Variants in MAP4 observed in about 807,000 individuals in gnomAD.
The protein encoded by MAP4 is microtubule-associated protein 4.
MAP4 carries 76 observed loss-of-function variants against 170.2 expected under a neutral mutation model. The observed-to-expected ratio is 0.45, with a 90% CI of 0.37 to 0.54. MAP4 has a LOEUF of 0.54. MAP4 is among the 20% of genes least tolerant of loss of function. The pLI is 0.00. For synonymous variants in MAP4, 909 were observed against 994.5 expected, an observed-to-expected ratio of 0.91 and a Z score of 1.62; for missense variants, 2,506 against 2,748.0, an observed-to-expected ratio of 0.91 and a Z score of 1.97.
chr3:48,067,519 AGG>A (rs1329193183), intron 1 of MAP4, among the ~76,000 whole-genome samples: 3 of 152,132 alleles, frequency 2.0e-5, no homozygotes, highest in African/African-American at 7.2e-5. Context: ...TTGTAGAGAC[AGG>A]GGTTTCACTT....
chr3:47,860,521 A>G (rs2063836496), intron 17 of MAP4, among the ~76,000 whole-genome samples: 1 of 152,218 alleles, frequency 6.6e-6, no homozygotes, highest in Non-Finnish European at 1.5e-5. Context: ...ACAGTGTTCC[A>G]TATTTGAAGC....
chr3:47,892,721 C>A, intron 10 of MAP4: 1 of 1,349,802 alleles, frequency 7.4e-7, no homozygotes, highest in Non-Finnish European at 9.5e-7. Context: ...AAGGAACCTG[C>A]TGCTTTCTGC....
chr3:47,861,653 G>A (rs1012141090), intron 17 of MAP4, among the ~76,000 whole-genome samples: 2 of 151,496 alleles, frequency 1.3e-5, no homozygotes, highest in Non-Finnish European at 2.9e-5. Flanking sequence ...GCCCAGCCAA[G>A]ACTCTGTCTT....
intron 1 of MAP4, among the ~76,000 whole-genome samples, chr3:48,066,917 T>C (rs768086696): frequency 3.8e-4 from 46 of 122,570 alleles, no homozygotes; most frequent in Admixed American, 4.5e-4. Context: ...CTCGGCTCAC[T>C]GCAAGCTCCG....
intron 1 of MAP4, among the ~76,000 whole-genome samples, chr3:48,031,596 G>A (rs148626817): frequency 2.8e-4 from 42 of 152,032 alleles, no homozygotes; most frequent in Admixed American, 2.4e-3. Context: ...ATGGTGGTAC[G>A]TGCCTGTAGT....
chr3:48,067,819 T>C (rs1349451686), intron 1 of MAP4, among the ~76,000 whole-genome samples: 1 of 152,102 alleles, frequency 6.6e-6, no homozygotes, highest in East Asian at 1.9e-4. Context: ...TCTGTATTTT[T>C]AGTAGAGATG....
chr3:47,989,993 C>G (rs539766009), intron 2 of MAP4, among the ~76,000 whole-genome samples: 1 of 152,164 alleles, frequency 6.6e-6, no homozygotes, highest in East Asian at 1.9e-4. Context: ...CAGGAGATGT[C>G]AGATTCCCAC....
At chr3:48,081,895 G>A (rs2100146845) in intron 1 of MAP4, among the ~76,000 whole-genome samples, 1 of 152,064 alleles carries the variant, frequency 6.6e-6, no homozygotes, top group South Asian at 2.1e-4. Context: ...TTTAGGGTTG[G>A]GGCAGGTAAA....
intron 3 of MAP4, among the ~76,000 whole-genome samples, chr3:47,938,345 C>A (rs752572287): frequency 6.6e-6 from 1 of 151,906 alleles, no homozygotes; most frequent in Non-Finnish European, 1.5e-5. Flanking sequence ...CCAGCCTGGG[C>A]GACAGAGCGA....
chr3:48,058,600 G>A (rs752931074), intron 1 of MAP4, among the ~76,000 whole-genome samples: 7 of 151,826 alleles, frequency 4.6e-5, no homozygotes, highest in Non-Finnish European at 5.9e-5. Context: ...ACTGGCATTC[G>A]GTAACAAGAA....
intron 3 of MAP4, among the ~76,000 whole-genome samples, chr3:47,944,702 C>T (rs1284435501): frequency 6.6e-6 from 1 of 151,880 alleles, no homozygotes; most frequent in Admixed American, 6.6e-5. Context: ...CATTTCTCCC[C>T]CTCTGGCTAT....
intron 3 of MAP4, among the ~76,000 whole-genome samples, chr3:47,966,844 CCCTTTAAGTCAATA>C (rs1277763306): frequency 6.6e-6 from 1 of 152,192 alleles, no homozygotes; most frequent in Non-Finnish European, 1.5e-5. Context: ...CTATATGTCT[CCCTTTAAGTCAATA>C]CCACACAGTT....
Position 47,877,673 on chromosome 3 carries a change from T to TC in MAP4, c.5435-151dup, listed in dbSNP as rs1391121436. 3.9e-5 allele frequency: 21 copies of TC among 545,270 alleles called. No individual in the cohort carries two copies. In the Admixed American group the frequency reaches 4.2e-4, roughly 11 times the overall value. The allele number at this position is 545,270 out of a possible 1,614,324, so 33.8% of individuals were successfully genotyped here. A position where few individuals can be genotyped will look rare whatever the true frequency, so the allele number is the denominator to read the frequency against. On this transcript the variant is annotated intron_variant, in intron 10 of 20. Transcript: ENST00000683076. ...TGTGCTGCTGAAATGTGGACAAGCC[T>TC]CCCAAGTTCTCATTGTGATGGAGGA...
chr3:47,922,412 T>C (rs2100043455), intron 4 of MAP4, among the ~76,000 whole-genome samples: 1 of 152,158 alleles, frequency 6.6e-6, no homozygotes, highest in South Asian at 2.1e-4. Context: ...GTACATCAGA[T>C]AGCCAACAAA....
At chr3:47,877,845 C>G (rs1295027577) in intron 10 of MAP4, 2 of 169,480 alleles carry the variant, frequency 1.2e-5, no homozygotes, top group Non-Finnish European at 2.5e-5. Flanking sequence ...CTTCCAACCA[C>G]TAGCTCTCCA....
chr3:47,899,367 T>C (rs1471508206), intron 10 of MAP4, among the ~76,000 whole-genome samples: 1 of 152,214 alleles, frequency 6.6e-6, no homozygotes, highest in African/African-American at 2.4e-5. Context: ...CTGGAACTCC[T>C]AACCTCAGGT....
chr3:47,877,412 C>A lies in MAP4; in HGVS notation c.5541+5G>T. On this transcript the variant is annotated splice_donor_5th_base_variant and intron_variant, in intron 11 of 20. Transcript: ENST00000683076. ...GTAGAAGATAACCACCATTCTGGCA[C>A]CTACCTTTGTTTTCTTCTCTGGGCT... 6.2e-7 allele frequency: 1 copy of A among 1,610,730 alleles called. No individual in the cohort carries two copies. Among genetic ancestry groups the A allele is most frequent in the Non-Finnish European group, 8.5e-7 (1 of 1,177,008 alleles).
chr3:47,875,489 C>T (rs895017247), intron 12 of MAP4, among the ~76,000 whole-genome samples, 196 bp downstream of exon 12: 2 of 152,144 alleles, frequency 1.3e-5, no homozygotes, highest in Non-Finnish European at 2.9e-5. Flanking sequence ...GGCTGCTCCT[C>T]GTGGAGCAGG....
chr3:47,931,727 T>C (rs1485253818), intron 3 of MAP4: 1 of 149,324 alleles, frequency 6.7e-6, no homozygotes, highest in African/African-American at 2.5e-5. Flanking sequence ...ACTTCTGGGC[T>C]CAAGCAGTTC....
Sources: allele counts gnomAD v4.1 joint callset (sites outside exome capture counted in the v4.1 genomes callset), GRCh38; gene constraint gnomAD v4.1.1; transcripts MANE v1.5; gene names NCBI Gene and HGNC (gene_info 2026-07-23, HGNC 2026-07-21).